The following KIAA1549L variants were observed in gnomAD, a reference collection of about 807,000 sequenced individuals.
KIAA1549L encodes the protein UPF0606 protein KIAA1549L.
Under a neutral mutation model 160.7 loss-of-function variants are expected in KIAA1549L, and 88 were observed. The observed-to-expected ratio is 0.55, with a 90% confidence interval of 0.46 to 0.65. The LOEUF (loss-of-function observed/expected upper bound fraction) is 0.65. Ranked by LOEUF, KIAA1549L falls within the 30% of genes least tolerant of loss-of-function variation. KIAA1549L has a pLI of 0.00. For synonymous variants in KIAA1549L, 950 were observed against 976.7 expected (o/e 0.97, Z 0.51); for missense variants, 2,258 against 2,437.5 (o/e 0.93, Z 1.55).
Position 33,655,351 on chromosome 11 carries a change from T to C in KIAA1549L, c.5761-661T>C, listed in dbSNP as rs562317125. On this transcript the variant is annotated intron_variant, in intron 17 of 20. Coordinates refer to ENST00000658780, the MANE Select transcript of KIAA1549L (RefSeq NM_012194.3). ...TCAGAAGAGGTCCAGAAAGGTCACC[T>C]GAGTTGCTGAAGGACCTAAAGTTTG... Among the ~76,000 whole-genome samples, 18 of 152,336 alleles carry C rather than the reference T, an allele frequency of 1.2e-4. No individual in the cohort carries two copies. The South Asian group carries it at 2.7e-3, about 23-fold the overall frequency.
intron 1 of KIAA1549L, among the ~76,000 whole-genome samples, chr11:33,507,553 C>A (rs1853120609): frequency 6.6e-6 from 1 of 152,156 alleles, no homozygotes; most frequent in African/African-American, 2.4e-5. Flanking sequence ...GTCATTTTAG[C>A]ATAGACAGTA....
intron 1 of KIAA1549L, among the ~76,000 whole-genome samples, chr11:33,522,314 C>A (rs543696928): frequency 6.6e-6 from 1 of 152,062 alleles, no homozygotes; most frequent in Non-Finnish European, 1.5e-5. Context: ...ATATTAATGG[C>A]GTTAGACTTC....
At chr11:33,485,054 C>T (rs1032867346) in intron 1 of KIAA1549L, among the ~76,000 whole-genome samples, 9 of 152,180 alleles carry the variant, frequency 5.9e-5, no homozygotes, top group African/African-American at 2.2e-4. Context: ...CAGGGGTAGA[C>T]ATAGCCTCTT....
intron 1 of KIAA1549L, among the ~76,000 whole-genome samples, chr11:33,418,552 C>T (rs1291829418): frequency 1.3e-5 from 2 of 152,154 alleles, no homozygotes; most frequent in African/African-American, 4.8e-5. Context: ...ATAGAACACC[C>T]CAACGTAACA....
intron 16 of KIAA1549L, among the ~76,000 whole-genome samples, chr11:33,638,243 T>C (rs1851489557): frequency 6.6e-6 from 1 of 152,054 alleles, no homozygotes; most frequent in African/African-American, 2.4e-5. Flanking sequence ...GAAAACTCCC[T>C]CACTTTTTTT....
intron 1 of KIAA1549L, among the ~76,000 whole-genome samples, chr11:33,449,556 T>C (rs2132968354): frequency 6.6e-6 from 1 of 152,284 alleles, no homozygotes; most frequent in African/African-American, 2.4e-5. Context: ...TGACTCTCTG[T>C]TGTTGGTAGT....
At chr11:33,625,211 A>C (rs1346361592) in intron 16 of KIAA1549L, among the ~76,000 whole-genome samples, 2 of 151,946 alleles carry the variant, frequency 1.3e-5, no homozygotes, top group Non-Finnish European at 2.9e-5. Flanking sequence ...TAGTGCCTCA[A>C]TAAACATACG....
chr11:33,609,697 C>T (rs992593399), intron 14 of KIAA1549L, 52 bp from the exon 15 acceptor site: 2 of 1,427,162 alleles, frequency 1.4e-6, no homozygotes, highest in African/African-American at 2.8e-5. Context: ...AAGTCTCCCA[C>T]CTGCCGGCCC....
At chr11:33,605,395 C>G (rs1850475563) in intron 13 of KIAA1549L, among the ~76,000 whole-genome samples, 1 of 151,974 alleles carries the variant, frequency 6.6e-6, no homozygotes, top group African/African-American at 2.4e-5. Flanking sequence ...AGCTGCCCAG[C>G]AAAACTACAT....
intron 16 of KIAA1549L, among the ~76,000 whole-genome samples, chr11:33,631,142 C>A (rs146918344): frequency 0.021 from 3,189 of 152,262 alleles, 134 homozygotes; most frequent in African/African-American, 0.073. Context: ...CTGCCAGGGA[C>A]ATCCTTCTAA....
At chr11:33,395,936 G>T (rs573030697) in intron 1 of KIAA1549L, among the ~76,000 whole-genome samples, 1 of 152,220 alleles carries the variant, frequency 6.6e-6, no homozygotes, top group Non-Finnish European at 1.5e-5. Flanking sequence ...TGGTACATGC[G>T]AAGTGTAATT....
intron 1 of KIAA1549L, among the ~76,000 whole-genome samples, chr11:33,509,623 C>G (rs956343322): frequency 3.3e-5 from 5 of 152,210 alleles, no homozygotes; most frequent in South Asian, 2.1e-4. Context: ...CCTGCACTCT[C>G]AATTCCATCT....
chr11:33,629,788 C>T lies in KIAA1549L; in HGVS notation c.5409+11126C>T, dbSNP rs576094774. ...CGTCTGAAGCCTTCTTCTCTCAGCT[C>T]GTCAAAGTCATTCTCCGTCCAGCTT... On this transcript the variant is annotated intron_variant, in intron 16 of 20. Transcript: ENST00000658780. Among the ~76,000 whole-genome samples the T allele has an allele frequency of 8.9e-3, 1,347 of 150,702 alleles. 72 individuals are homozygous for T. Among genetic ancestry groups the T allele is most frequent in the African/African-American group, 0.031 (1,260 of 40,120 alleles).
In KIAA1549L at chr11:33,609,957, C is replaced by G; in HGVS notation, c.5270C>G (p.Ser1757Cys). 1.2e-6 allele frequency: 2 copies of G among 1,613,186 alleles called. No homozygotes were observed. The highest frequency in any genetic ancestry group is 2.7e-5 in the African/African-American group (2 of 75,026). The change falls in exon 15 of 21, where the codon TCT (serine) becomes TGT (cysteine). Residue 1757 changes from serine (S) to cysteine (C), a missense_variant. By Grantham distance (112) the Ser-to-Cys change is moderately radical (BLOSUM62 -1). Transcript: ENST00000658780. ...DSELCAPFTE[S>C]KNRQQMKNSV... ...GAACTCTGTGCTCCATTCACCGAGT[C>G]TAAAAACAGGTGCAGTCTCTAAGGG...
In KIAA1549L at chr11:33,649,343, G is replaced by GAAAA. The variant is rs545884059; in HGVS notation, c.5760+3326_5760+3329dup. On this transcript the variant is annotated intron_variant, in intron 17 of 20. Coordinates refer to ENST00000658780, the MANE Select transcript of KIAA1549L (RefSeq NM_012194.3). ...ATAATGAGATCCTGTCTCTACGGGG[G>GAAAA]AAAAAAAAAAAAAAAAAAAAAATTG... 1.6e-3 allele frequency among the ~76,000 whole-genome samples: 162 copies of GAAAA among 102,752 alleles called. 1 individual carries two copies. Among genetic ancestry groups the GAAAA allele is most frequent in the African/African-American group, 6.2e-3 (142 of 23,080 alleles). 67.4% of individuals were successfully genotyped at this position (102,752 alleles called of 152,430 possible). A position where few individuals can be genotyped will look rare whatever the true frequency, so the allele number is the denominator to read the frequency against.
chr11:33,449,503 T>G (rs1229499270), intron 1 of KIAA1549L, among the ~76,000 whole-genome samples: 1 of 152,176 alleles, frequency 6.6e-6, no homozygotes, highest in East Asian at 1.9e-4. Context: ...ACCCCAGACC[T>G]CTTAGTTCCT....
Position 33,599,090 on chromosome 11 carries a change from C to G in KIAA1549L, c.4879+143C>G. The G allele has an allele frequency of 5.3e-6, 5 of 940,278 alleles. No individual in the cohort carries two copies. In the South Asian group the frequency reaches 8.5e-5, roughly 16 times the overall value. The allele number at this position is 940,278 out of a possible 1,614,324, so 58.2% of individuals were successfully genotyped here. On this transcript the variant is annotated intron_variant, in intron 13 of 20. Coordinates refer to ENST00000658780, the MANE Select transcript of KIAA1549L (RefSeq NM_012194.3). Reference sequence around the variant, plus strand: ...TTCTTTCTATTCTGCCCCACAAGGGCCAGGAGTCTGTATGTACCCCTTGGG... The same window carrying G: ...TTCTTTCTATTCTGCCCCACAAGGGGCAGGAGTCTGTATGTACCCCTTGGG...
At chr11:33,628,799 T>G (rs1590413776) in intron 16 of KIAA1549L, among the ~76,000 whole-genome samples, 2 of 151,920 alleles carry the variant, frequency 1.3e-5, no homozygotes, top group South Asian at 4.2e-4. Context: ...AAAGTTAATA[T>G]TGTTATGTGT....
intron 11 of KIAA1549L, among the ~76,000 whole-genome samples, chr11:33,584,628 G>A (rs766741899): frequency 4.6e-5 from 7 of 152,224 alleles, no homozygotes; most frequent in East Asian, 1.9e-4. Context: ...CTATCACCTC[G>A]TTTGTTCATC....
Sources: gnomAD v4.1 joint callset for allele counts (sites outside exome capture counted in the v4.1 genomes callset) on GRCh38, gnomAD v4.1.1 for gene constraint, MANE v1.5 for transcripts, NCBI Gene and HGNC (gene_info 2026-07-23, HGNC 2026-07-21) for gene names.